The following GRIA4 variants were observed in gnomAD, a reference collection of about 807,000 sequenced individuals.
GRIA4 encodes glutamate ionotropic receptor AMPA type subunit 4.
GRIA4 carries 34 observed loss-of-function variants against 104.0 expected under a neutral mutation model. The ratio of observed to expected loss-of-function variants is 0.33; its 90% CI spans 0.25 to 0.44. The LOEUF (loss-of-function observed/expected upper bound fraction) is 0.44. GRIA4 is among the 20% of genes least tolerant of loss of function. The pLI, the probability that GRIA4 is intolerant of heterozygous loss-of-function variation, is 1.00. For missense variants in GRIA4, 750 were observed against 1,096.5 expected, an observed-to-expected ratio of 0.68 and a Z score of 4.46; for synonymous variants, 386 against 381.9, an observed-to-expected ratio of 1.01 and a Z score of -0.13.
intron 13 of GRIA4, among the ~76,000 whole-genome samples, chr11:105,929,746 G>A (rs887658420): frequency 4.6e-5 from 7 of 152,100 alleles, no homozygotes; most frequent in South Asian, 4.2e-4. Flanking sequence ...ATAATTCACC[G>A]GATAGCAATG....
chr11:105,808,074 G>GAGAT (rs1337048878), intron 4 of GRIA4, among the ~76,000 whole-genome samples: 1 of 151,816 alleles, frequency 6.6e-6, no homozygotes, highest in Non-Finnish European at 1.5e-5. Flanking sequence ...TCTGATTAAA[G>GAGAT]AGATAGATCC....
At chr11:105,901,233 A>C in intron 7 of GRIA4, among the ~76,000 whole-genome samples, 1 of 152,062 alleles carries the variant, frequency 6.6e-6, no homozygotes. Context: ...ATCTTGTTTC[A>C]TTTCATTTTG....
intron 3 of GRIA4, among the ~76,000 whole-genome samples, chr11:105,687,483 A>G (rs1952920715): frequency 6.6e-6 from 1 of 152,220 alleles, no homozygotes; most frequent in Non-Finnish European, 1.5e-5. Context: ...AGAGACCAGG[A>G]AGATTCTGTG....
At chr11:105,637,082 C>G (rs1297966335) in intron 3 of GRIA4, among the ~76,000 whole-genome samples, 1 of 152,080 alleles carries the variant, frequency 6.6e-6, no homozygotes, top group Non-Finnish European at 1.5e-5. Flanking sequence ...AAAACTCTAC[C>G]AAATGCCGTT....
Position 105,755,822 on chromosome 11 carries a change from C to T in GRIA4, c.487+2602C>T, listed in dbSNP as rs146817137. On this transcript the variant is annotated intron_variant, in intron 4 of 16. Coordinates refer to ENST00000282499, the MANE Select transcript of GRIA4 (RefSeq NM_000829.4). Reference sequence around the variant, plus strand: ...TCTGTGCTTGAGCTGGATCATCCATCTTCTGCCCTTGGACATCGGTGGTCT... The same window carrying T: ...TCTGTGCTTGAGCTGGATCATCCATTTTCTGCCCTTGGACATCGGTGGTCT... 1.4e-3 allele frequency among the ~76,000 whole-genome samples: 219 copies of T among 152,274 alleles called. 1 individual carries two copies. The highest frequency in any genetic ancestry group is 2.2e-3 in the Non-Finnish European group (152 of 68,028).
chr11:105,832,867 A>G (rs1229896207), intron 4 of GRIA4, among the ~76,000 whole-genome samples: 2 of 151,948 alleles, frequency 1.3e-5, no homozygotes, highest in Non-Finnish European at 2.9e-5. Context: ...TTTTTTTCTC[A>G]AACAATGAAG....
intron 9 of GRIA4, among the ~76,000 whole-genome samples, chr11:105,905,844 T>C (rs1947024325): frequency 6.6e-6 from 1 of 152,174 alleles, no homozygotes; most frequent in Non-Finnish European, 1.5e-5. Context: ...GTGCTGGTGC[T>C]AGGTTCCTGG....
At chr11:105,696,273 A>C (rs1401076149) in intron 3 of GRIA4, among the ~76,000 whole-genome samples, 1 of 152,120 alleles carries the variant, frequency 6.6e-6, no homozygotes, top group African/African-American at 2.4e-5. Flanking sequence ...TGTGCCCTTA[A>C]AGTAGGACTT....
At chr11:105,877,002 T>C (rs990412118) in intron 5 of GRIA4, among the ~76,000 whole-genome samples, 3 of 152,214 alleles carry the variant, frequency 2.0e-5, no homozygotes, top group African/African-American at 7.2e-5. Context: ...AGTTTCTTCA[T>C]AGTGTCAATG....
intron 4 of GRIA4, among the ~76,000 whole-genome samples, chr11:105,837,778 T>C (rs1295979192): frequency 6.6e-6 from 1 of 152,176 alleles, no homozygotes; most frequent in East Asian, 1.9e-4. Flanking sequence ...TTATTGTTTT[T>C]ATCAATTAAG....
chr11:105,920,824 C>T (rs1947537551), intron 11 of GRIA4, among the ~76,000 whole-genome samples: 2 of 152,130 alleles, frequency 1.3e-5, no homozygotes, highest in African/African-American at 2.4e-5. Context: ...GAGTTGTCCA[C>T]TCTTTTCCCA....
chr11:105,957,144 T>C (rs1948610331), intron 14 of GRIA4, among the ~76,000 whole-genome samples: 1 of 152,232 alleles, frequency 6.6e-6, no homozygotes, highest in African/African-American at 2.4e-5. Context: ...TTTGCTTTTG[T>C]TGCCATTGCT....
chr11:105,909,070 A>T (rs1435875566), intron 9 of GRIA4, among the ~76,000 whole-genome samples: 2 of 152,146 alleles, frequency 1.3e-5, no homozygotes, highest in African/African-American at 2.4e-5. Context: ...TATTGAAAAA[A>T]CTTGCTGAAC....
chr11:105,641,687 A>C (rs1230494209), intron 3 of GRIA4, among the ~76,000 whole-genome samples: 1 of 152,064 alleles, frequency 6.6e-6, no homozygotes, highest in African/African-American at 2.4e-5. Context: ...ATAAAATTAG[A>C]TACCTTCCCA....
intron 5 of GRIA4, among the ~76,000 whole-genome samples, chr11:105,884,563 A>T (rs572717242): frequency 9.9e-5 from 15 of 152,276 alleles, no homozygotes; most frequent in Middle Eastern, 3.4e-3. Context: ...CCCAGCCAGG[A>T]TCTGGCTCAG....
At chr11:105,853,898 T>A (rs1944911728) in intron 4 of GRIA4, among the ~76,000 whole-genome samples, 1 of 152,188 alleles carries the variant, frequency 6.6e-6, no homozygotes, top group Non-Finnish European at 1.5e-5. Context: ...TTCGGATGCA[T>A]CATTTCCACT....
chr11:105,897,949 CT>C (rs1475383895), intron 6 of GRIA4, among the ~76,000 whole-genome samples: 3 of 152,034 alleles, frequency 2.0e-5, no homozygotes, highest in African/African-American at 7.2e-5. Context: ...AAATAGGAGA[CT>C]TTTTGATGCA....
intron 4 of GRIA4, among the ~76,000 whole-genome samples, chr11:105,753,924 C>T (rs1591196299): frequency 6.6e-6 from 1 of 152,242 alleles, no homozygotes; most frequent in Non-Finnish European, 1.5e-5. Context: ...GTGAGCCACC[C>T]TCCAGGAATC....
intron 13 of GRIA4, among the ~76,000 whole-genome samples, chr11:105,931,385 C>T (rs1947868960): frequency 6.6e-6 from 1 of 151,906 alleles, no homozygotes; most frequent in Non-Finnish European, 1.5e-5. Flanking sequence ...GTCAATTTCC[C>T]ACCTTGATAT....
Sources: gnomAD v4.1 joint callset for allele counts (sites outside exome capture counted in the v4.1 genomes callset) on GRCh38, gnomAD v4.1.1 for gene constraint, MANE v1.5 for transcripts, NCBI Gene and HGNC (gene_info 2026-07-23, HGNC 2026-07-21) for gene names.